Variants in SLC12A7 observed in about 807,000 individuals in gnomAD.
SLC12A7 encodes K-Cl cotransporter 4.
In SLC12A7, 100 loss-of-function variants were observed where a neutral mutation model predicts 120.6. The observed-to-expected ratio is 0.83, with a 90% CI of 0.71 to 0.98. The LOEUF is 0.98. Ranked by LOEUF, SLC12A7 falls within the 50% of genes least tolerant of loss-of-function variation. The pLI is 0.00. For synonymous variants in SLC12A7, 760 were observed against 678.0 expected, an observed-to-expected ratio of 1.12 and a Z score of -1.88; for missense variants, 1,373 against 1,548.1, an observed-to-expected ratio of 0.89 and a Z score of 1.90.
chr5:1,094,848 G>A (rs775266732), intron 1 of SLC12A7, among the ~76,000 whole-genome samples: 104 of 152,172 alleles, frequency 6.8e-4, no homozygotes, highest in Non-Finnish European at 1.4e-3. Context: ...AGGCTGGGCC[G>A]GCGACCCCTC....
chr5:1,060,647 C>T (rs1011961631), intron 20 of SLC12A7, among the ~76,000 whole-genome samples, 196 bp from the exon 21 acceptor site: 21 of 152,202 alleles, frequency 1.4e-4, no homozygotes, highest in African/African-American at 4.8e-4. Flanking sequence ...TGGGCAGTCA[C>T]GCCGCACACA....
Position 1,110,370 on chromosome 5 carries a change from C to T in SLC12A7, c.124+1498G>A, listed in dbSNP as rs115447643. Among the ~76,000 whole-genome samples the T allele has an allele frequency of 4.5e-3, 681 of 152,344 alleles. 7 individuals are homozygous for T. The highest frequency in any genetic ancestry group is 0.015 in the African/African-American group (642 of 41,580). ...ACGCCCGTAGCAGGACCTGAGTGCGCGGGCAGCGACATGGGCAGCGCTCAG... is the reference window on the plus strand; with the variant it reads ...ACGCCCGTAGCAGGACCTGAGTGCGTGGGCAGCGACATGGGCAGCGCTCAG... On this transcript the variant is annotated intron_variant, in intron 1 of 23. Transcript: ENST00000264930.
the SLC12A7 span, among the ~76,000 whole-genome samples, chr5:1,126,994 G>A: frequency 6.6e-6 from 1 of 152,168 alleles, no homozygotes; most frequent in South Asian, 2.1e-4. Context: ...CTGGAGTAGG[G>A]TGTGGGCTCT....
At chr5:1,065,884 G>A (rs993234708) in intron 17 of SLC12A7, among the ~76,000 whole-genome samples, 4 of 151,972 alleles carry the variant, frequency 2.6e-5, no homozygotes, top group African/African-American at 9.7e-5. Context: ...TTCAAAGGGA[G>A]GCCGTGGGGT....
At chr5:1,111,808 G>T in intron 1 of SLC12A7, 60 bp downstream of exon 1, 1 of 1,189,380 alleles carries the variant, frequency 8.4e-7, no homozygotes, top group Non-Finnish European at 1.0e-6. Flanking sequence ...CCCGGATGCC[G>T]GGCCCAGACC....
chr5:1,075,123 C>T (rs538238442), intron 15 of SLC12A7, among the ~76,000 whole-genome samples: 10 of 152,314 alleles, frequency 6.6e-5, no homozygotes, highest in African/African-American at 1.7e-4. Flanking sequence ...CTGCTGAGGA[C>T]GGCACGAGAC....
intron 1 of SLC12A7, among the ~76,000 whole-genome samples, chr5:1,098,911 T>C (rs186167304): frequency 9.0e-4 from 137 of 151,862 alleles, no homozygotes; most frequent in Admixed American, 6.5e-3. Context: ...TGCCTGTGTT[T>C]TGGGGATAGA....
intron 20 of SLC12A7, among the ~76,000 whole-genome samples, chr5:1,061,034 G>A (rs1336953041): frequency 0.01 from 1,489 of 142,216 alleles, 46 homozygotes; most frequent in African/African-American, 0.038. Flanking sequence ...CGCACCCGCC[G>A]TGCGGGATCC....
the SLC12A7 span, among the ~76,000 whole-genome samples, chr5:1,147,835 C>T: frequency 2.0e-5 from 3 of 152,070 alleles, no homozygotes; most frequent in Non-Finnish European, 4.4e-5. Flanking sequence ...CTTGACCTCC[C>T]GGACTGGAGC....
At chr5:1,061,761 C>T (rs1736309675) in intron 20 of SLC12A7, among the ~76,000 whole-genome samples, 1 of 151,622 alleles carries the variant, frequency 6.6e-6, no homozygotes, top group Non-Finnish European at 1.5e-5. Flanking sequence ...ACCAGCCTGG[C>T]CATCATGGTG....
At chr5:1,059,850 G>GC (rs1561032473) in intron 21 of SLC12A7, among the ~76,000 whole-genome samples, 8 of 101,164 alleles carry the variant, frequency 7.9e-5, no homozygotes, top group Non-Finnish European at 1.5e-4. Context: ...TTGGTCTTAG[G>GC]ACAGAAATCT....
At chr5:1,146,613 T>G in the SLC12A7 span, among the ~76,000 whole-genome samples, 106 of 152,166 alleles carry the variant, frequency 7.0e-4, no homozygotes, top group African/African-American at 2.5e-3. The surrounding 1 kb of genome is among the most constrained non-coding windows in gnomAD (Gnocchi z 6.5). Context: ...CCTCCTCCCT[T>G]TCGGAATTTA....
chr5:1,138,312 C>T, the SLC12A7 span, among the ~76,000 whole-genome samples: 4 of 152,334 alleles, frequency 2.6e-5, no homozygotes, highest in Admixed American at 2.0e-4. Flanking sequence ...CACCCACATC[C>T]TGCTGATTGG....
the SLC12A7 span, among the ~76,000 whole-genome samples, chr5:1,153,079 A>G: frequency 6.6e-6 from 1 of 152,224 alleles, no homozygotes; most frequent in Non-Finnish European, 1.5e-5. Context: ...CATTCAGCTG[A>G]TGGTTGGCTG....
chr5:1,139,618 CAG>C, the SLC12A7 span, among the ~76,000 whole-genome samples: 1 of 152,250 alleles, frequency 6.6e-6, no homozygotes, highest in African/African-American at 2.4e-5. Context: ...AAACAGGAGG[CAG>C]AGTGGCCCCC....
intron 12 of SLC12A7, among the ~76,000 whole-genome samples, chr5:1,077,285 G>A (rs1008256570): frequency 5.3e-5 from 8 of 152,216 alleles, no homozygotes; most frequent in African/African-American, 9.6e-5. Flanking sequence ...GCACCCTGCC[G>A]AGGGACCAGC....
Position 1,089,231 on chromosome 5 carries a change from G to C in SLC12A7, c.343-103C>G, listed in dbSNP as rs1740232449. ...CCCTGGGCAGGCAAAGCGGCCGTGG[G>C]GGCAGGAGGGGGCAGGAGTCCTTCC... On this transcript the variant is annotated intron_variant, in intron 3 of 23. Coordinates refer to ENST00000264930, the MANE Select transcript of SLC12A7 (RefSeq NM_006598.3). 4 of 1,162,096 alleles carry C rather than the reference G, an allele frequency of 3.4e-6. No homozygotes were observed. In the East Asian group the frequency reaches 9.8e-5, roughly 29 times the overall value. 72.0% of individuals were successfully genotyped at this position (1,162,096 alleles called of 1,614,324 possible).
intron 16 of SLC12A7, 134 bp from the exon 17 acceptor site, chr5:1,073,935 G>A (rs548784010): frequency 1.4e-4 from 118 of 825,254 alleles, no homozygotes; most frequent in Admixed American, 1.2e-4. Flanking sequence ...CGGGACAGGG[G>A]ACAAAAGGGG....
At chr5:1,079,163 G>A (rs950710360) in intron 10 of SLC12A7, among the ~76,000 whole-genome samples, 8 of 152,176 alleles carry the variant, frequency 5.3e-5, no homozygotes, top group East Asian at 1.9e-4. Context: ...CTGTCCACAC[G>A]CGGCAGGGTG....
Sources: allele counts gnomAD v4.1 joint callset (sites outside exome capture counted in the v4.1 genomes callset), GRCh38; gene constraint gnomAD v4.1.1; non-coding constraint Gnocchi (gnomAD v3.1); transcripts MANE v1.5; gene names NCBI Gene and HGNC (gene_info 2026-07-23, HGNC 2026-07-21).